ANKFN1: variants seen among roughly 807,000 people sequenced by gnomAD.
The protein encoded by ANKFN1 is ankyrin repeat and fibronectin type-III domain-containing protein 1.
Under a neutral mutation model 108.7 loss-of-function variants are expected in ANKFN1, and 74 were observed. The observed-to-expected ratio is 0.68, with a 90% CI of 0.56 to 0.83. The LOEUF is 0.83. ANKFN1 is among the 40% of genes least tolerant of loss of function. The pLI is 0.00. For synonymous variants in ANKFN1, 547 were observed against 516.2 expected, an observed-to-expected ratio of 1.06 and a Z score of -0.81; for missense variants, 1,505 against 1,382.3, an observed-to-expected ratio of 1.09 and a Z score of -1.41.
chr17:56,310,033 C>G (rs552006364), intron 3 of ANKFN1, among the ~76,000 whole-genome samples: 2 of 152,202 alleles, frequency 1.3e-5, no homozygotes, highest in East Asian at 3.9e-4. Context: ...GATCGTTGAG[C>G]CATGATGATG....
At chr17:56,293,555 T>A (rs560784002) in intron 3 of ANKFN1, among the ~76,000 whole-genome samples, 2 of 152,294 alleles carry the variant, frequency 1.3e-5, no homozygotes, top group South Asian at 4.1e-4. Flanking sequence ...TTCAGGACAG[T>A]ACAAAGTGAA....
intron 1 of ANKFN1, among the ~76,000 whole-genome samples, chr17:56,154,048 G>C (rs1185107659): frequency 6.6e-6 from 1 of 151,306 alleles, no homozygotes; most frequent in East Asian, 1.9e-4. Context: ...TTTTGTAAGA[G>C]GTCATCTCTG....
chr17:56,048,765 C>A (rs528335358), intron 4 of ANKFN1, among the ~76,000 whole-genome samples: 62 of 152,334 alleles, frequency 4.1e-4, no homozygotes, highest in African/African-American at 1.4e-3. Flanking sequence ...GGAGGGGAAG[C>A]CAGCCTAGTT....
At chr17:56,102,297 C>T (rs1356236774) in intron 4 of ANKFN1, among the ~76,000 whole-genome samples, 1 of 152,084 alleles carries the variant, frequency 6.6e-6, no homozygotes, top group Non-Finnish European at 1.5e-5. Context: ...ACTATACGGT[C>T]AATTATAAAT....
chr17:56,438,495 A>G (rs1032480992), intron 8 of ANKFN1, among the ~76,000 whole-genome samples: 2 of 152,204 alleles, frequency 1.3e-5, no homozygotes, highest in Non-Finnish European at 2.9e-5. Flanking sequence ...GACTCTATGA[A>G]AAGATACTAG....
At chr17:56,338,004 G>A (rs1324067301) in intron 4 of ANKFN1, among the ~76,000 whole-genome samples, 2 of 152,012 alleles carry the variant, frequency 1.3e-5, no homozygotes, top group South Asian at 2.1e-4. Flanking sequence ...ACGTGCACAC[G>A]TATGCTTATT....
chr17:56,421,923 C>T (rs1018426485), intron 8 of ANKFN1, among the ~76,000 whole-genome samples: 1 of 152,022 alleles, frequency 6.6e-6, no homozygotes, highest in African/African-American at 2.4e-5. Context: ...GGGGATATAA[C>T]CTTTTGCAAC....
chr17:56,252,487 T>C (rs1487731929), intron 3 of ANKFN1, among the ~76,000 whole-genome samples: 1 of 152,220 alleles, frequency 6.6e-6, no homozygotes, highest in Non-Finnish European at 1.5e-5. Flanking sequence ...AAAATAATAA[T>C]TGATGGACCA....
intron 15 of ANKFN1, among the ~76,000 whole-genome samples, chr17:56,467,580 T>C (rs1180116995): frequency 1.3e-5 from 2 of 149,810 alleles, no homozygotes; most frequent in Non-Finnish European, 3.0e-5. Context: ...CTCAGGAGGC[T>C]GAGGCAGAAT....
intron 1 of ANKFN1, among the ~76,000 whole-genome samples, chr17:56,159,917 T>C (rs1909486315): frequency 7.5e-6 from 1 of 134,096 alleles, no homozygotes; most frequent in Non-Finnish European, 1.6e-5. Flanking sequence ...GGGCAGGGGA[T>C]AGGAGTAATT....
At chr17:56,380,986 A>C (rs1365115868) in intron 8 of ANKFN1, among the ~76,000 whole-genome samples, 5 of 152,140 alleles carry the variant, frequency 3.3e-5, no homozygotes, top group Non-Finnish European at 4.4e-5. Context: ...CTGCCTCCTC[A>C]AGTGGGTCCC....
chr17:56,188,599 A>G lies in ANKFN1; in HGVS notation c.-70-23999A>G, dbSNP rs1475278470. 2.4e-3 allele frequency among the ~76,000 whole-genome samples: 308 copies of G among 130,198 alleles called. 3 individuals carry two copies. Among genetic ancestry groups the G allele is most frequent in the Non-Finnish European group, 3.1e-3 (199 of 63,210 alleles). 85.4% of individuals were successfully genotyped at this position (130,198 alleles called of 152,430 possible). A position where few individuals can be genotyped will look rare whatever the true frequency, so the allele number is the denominator to read the frequency against. ...TGTGTGTGTATATATATATATATATATATATATATATATATATGAAATATC... is the reference window on the plus strand; with the variant it reads ...TGTGTGTGTATATATATATATATATGTATATATATATATATATGAAATATC... On this transcript the variant is annotated intron_variant, in intron 1 of 20. Transcript: ENST00000682825.
intron 4 of ANKFN1, among the ~76,000 whole-genome samples, chr17:56,121,583 A>G (rs921110937): frequency 3.3e-5 from 5 of 152,214 alleles, no homozygotes; most frequent in Non-Finnish European, 5.9e-5. Context: ...AAAGAAGGAC[A>G]GTGACCAAAT....
rs537211481 is a variant in ANKFN1 at position 56,447,674 on chromosome 17, G to A, written c.1100-1405G>A. On this transcript the variant is annotated intron_variant, in intron 10 of 20. Transcript: ENST00000682825. ...TAATCAGCTGATAGGGTAAGAAATG[G>A]TGTTTCCGTCATGAATTCCCTTCCT... 2.0e-4 allele frequency among the ~76,000 whole-genome samples: 31 copies of A among 152,282 alleles called. No homozygotes were observed. In the South Asian group the frequency reaches 5.6e-3, roughly 28 times the overall value.
intron 19 of ANKFN1, among the ~76,000 whole-genome samples, chr17:56,496,707 C>T (rs1688748202): frequency 6.6e-6 from 1 of 152,038 alleles, no homozygotes; most frequent in African/African-American, 2.4e-5. Context: ...TAAACGCCTC[C>T]TCTCAAAATC....
intron 3 of ANKFN1, among the ~76,000 whole-genome samples, chr17:56,285,644 A>G (rs960652274): frequency 1.3e-5 from 2 of 152,064 alleles, no homozygotes; most frequent in Admixed American, 6.6e-5. Flanking sequence ...TCCTGCTTCT[A>G]CCCACAGCTT....
At chr17:56,175,794 GC>G (rs1911091688) in intron 1 of ANKFN1, among the ~76,000 whole-genome samples, 1 of 152,134 alleles carries the variant, frequency 6.6e-6, no homozygotes, top group Non-Finnish European at 1.5e-5. Context: ...GGACAAACCA[GC>G]CTTTCTTTAT....
At chr17:56,119,101 T>A (rs1240277339) in intron 4 of ANKFN1, among the ~76,000 whole-genome samples, 1 of 152,072 alleles carries the variant, frequency 6.6e-6, no homozygotes, top group Non-Finnish European at 1.5e-5. Context: ...CAGTTGGAAA[T>A]ACGGGTTTGG....
At chr17:56,347,523 C>G (rs1321938331) in intron 4 of ANKFN1, among the ~76,000 whole-genome samples, 1 of 152,000 alleles carries the variant, frequency 6.6e-6, no homozygotes. Flanking sequence ...AAAACTAAAG[C>G]TACACTGATT....
Sources: gnomAD v4.1 joint callset for allele counts (sites outside exome capture counted in the v4.1 genomes callset) on GRCh38, gnomAD v4.1.1 for gene constraint, MANE v1.5 for transcripts, NCBI Gene and HGNC (gene_info 2026-07-23, HGNC 2026-07-21) for gene names.